Variants in HEATR6 observed in about 807,000 individuals in gnomAD.
HEATR6 encodes the protein HEAT repeat containing 6.
In HEATR6, 106 loss-of-function variants were observed where a neutral mutation model predicts 132.8. The observed-to-expected ratio is 0.80, with a 90% CI of 0.68 to 0.94. The LOEUF is 0.94. Ranked by LOEUF, HEATR6 falls within the 40% of genes least tolerant of loss-of-function variation. HEATR6 has a pLI of 0.00. For missense variants in HEATR6, 1,339 were observed against 1,425.1 expected (o/e 0.94, Z 0.97); for synonymous variants, 529 against 537.8 (o/e 0.98, Z 0.23).
intron 5 of HEATR6, 129 bp from the exon 6 acceptor site, chr17:60,070,936 CA>C (rs2083267184): frequency 1.7e-6 from 1 of 584,462 alleles, no homozygotes; most frequent in African/African-American, 1.9e-5. Flanking sequence ...TTATTATAGA[CA>C]CACATATACA....
In HEATR6 at chr17:60,057,325, A is replaced by G. The variant is rs1568621061; in HGVS notation, c.1802T>C (p.Leu601Pro). The part of the protein sequence containing the change: ...STHAPLPEVQ[L>P]LLQQPCSSGL... ...AGAAGAACATGGCTGTTGCAGAAGT[A>G]GTTGGACTTCAGGTAAAGGTGCGTG... Residue 601 changes from leucine (L) to proline (P), a missense_variant, in exon 12 of 20, where the codon CTA (leucine) becomes CCA (proline). Coordinates refer to ENST00000184956, the MANE Select transcript of HEATR6 (RefSeq NM_022070.5). 6.2e-7 allele frequency: 1 copy of G among 1,614,154 alleles called. No homozygotes were observed. Among genetic ancestry groups the G allele is most frequent in the Middle Eastern group, 1.6e-4 (1 of 6,062 alleles).
chr17:60,047,472 T>C lies in HEATR6; in HGVS notation c.2673-67A>G, dbSNP rs7223124. ...ACACTTAAATATATACATATAGAAA[T>C]ATATTCAATTAGTATAAGCCTAAAA... On this transcript the variant is annotated intron_variant, in intron 17 of 19. Transcript: ENST00000184956. The C allele has an allele frequency of 0.022, 18,115 of 831,540 alleles. 2,247 individuals are homozygous for C. The African/African-American group carries it at 0.28, about 13-fold the overall frequency. The allele number at this position is 831,540 out of a possible 1,614,324, so 51.5% of individuals were successfully genotyped here.
intron 7 of HEATR6, among the ~76,000 whole-genome samples, chr17:60,068,192 T>G (rs2083252748): frequency 6.6e-6 from 1 of 152,184 alleles, no homozygotes; most frequent in South Asian, 2.1e-4. Context: ...GTAAGATACA[T>G]AGCTAGTACC....
rs76308370 is a variant in HEATR6 at position 60,056,323 on chromosome 17, G to A, written c.2080-86C>T. The A allele has an allele frequency of 1.1e-4, 141 of 1,332,456 alleles. No individual in the cohort carries two copies. In the East Asian group the frequency reaches 2.6e-3, roughly 25 times the overall value. The allele number at this position is 1,332,456 out of a possible 1,614,324, so 82.5% of individuals were successfully genotyped here. The stretch of plus-strand genomic sequence containing the variant: ...AAAGTGTTACAATATTTCAGAAATC[G>A]CTTACATTTAACAGGGGCTGAAATC... On this transcript the variant is annotated intron_variant, in intron 12 of 19. Transcript: ENST00000184956.
chr17:60,068,529 A>T (rs1373973322), intron 7 of HEATR6, among the ~76,000 whole-genome samples: 3 of 148,572 alleles, frequency 2.0e-5, no homozygotes, highest in Non-Finnish European at 4.5e-5. Context: ...TTCTTTAATG[A>T]ATCTCTATTG....
intron 18 of HEATR6, 55 bp downstream of exon 18, chr17:60,047,254 G>C: frequency 8.6e-7 from 1 of 1,160,784 alleles, no homozygotes; most frequent in Admixed American, 1.8e-5. Context: ...CCACACTGCA[G>C]CTACAATACA....
rs375446378 is a variant in HEATR6, at chr17:60,057,427, T to C, written c.1724-24A>G. 8 of 1,459,910 alleles carry C rather than the reference T, an allele frequency of 5.5e-6. No individual in the cohort carries two copies. In the African/African-American group the frequency reaches 1.1e-4, roughly 20 times the overall value. The allele number at this position is 1,459,910 out of a possible 1,614,324, so 90.4% of individuals were successfully genotyped here. On this transcript the variant is annotated intron_variant, in intron 11 of 19. Transcript: ENST00000184956. ...ATCTGTCAAAGGAAGCAGTAAGAAC[T>C]TATCATCATGGCAACAACTACTGTA... is the stretch of plus-strand genomic sequence containing the variant.
At chr17:60,048,972 CATATATATATAATATATATATAT>C (rs1422012336) in intron 16 of HEATR6, among the ~76,000 whole-genome samples, 26 of 59,530 alleles carry the variant, frequency 4.4e-4, no homozygotes, top group South Asian at 2.0e-3. Context: ...AAATAAATAA[CATATATATATAATATATATATAT>C]ATATATATAT....
At position 60,078,770 on chromosome 17, in the gene HEATR6, G is replaced by A. The variant is rs1376708010; in HGVS notation, c.145C>T (p.Arg49Cys). The change falls in exon 1 of 20, where the codon CGC becomes TGC. Residue 49 changes from arginine to cysteine, a missense_variant. Arg to Cys is a radical substitution (Grantham distance 180, BLOSUM62 -3). Transcript: ENST00000184956. ...ALRPDDSSSA[R>C]TEIHLLFDQL... is the part of the protein sequence containing the mutation. ...TCGAAGAGCAGGTGGATCTCGGTGC[G>A]GGCGGAGCTGCTGTCATCCGGGCGC... 1.9e-6 allele frequency: 3 copies of A among 1,576,358 alleles called. No individual in the cohort carries two copies. The highest frequency in any genetic ancestry group is 1.2e-5 in the South Asian group (1 of 85,572).
At chr17:60,073,678 AAC>A in intron 3 of HEATR6, 66 bp downstream of exon 3, 4 of 1,474,360 alleles carry the variant, frequency 2.7e-6, no homozygotes. Context: ...TAGAAACCTG[AAC>A]ACAGTGTTGG....
At chr17:60,064,584 T>C (rs924722152) in intron 9 of HEATR6, 6 of 152,098 alleles carry the variant, frequency 3.9e-5, no homozygotes, top group African/African-American at 1.4e-4. Flanking sequence ...TTAAGTAGGA[T>C]GACTTTTTTT....
rs1049784506 is a variant in HEATR6 at position 60,042,138 on chromosome 17, A to G, written c.*1425T>C. On this transcript the variant is annotated 3_prime_UTR_variant, in exon 20 of 20. Coordinates refer to ENST00000184956, the MANE Select transcript of HEATR6 (RefSeq NM_022070.5). ...CAAATTAAAAGGTGGCAAAACAACCATATATTTAGTGTGTGGGATCACATT... is the reference window on the plus strand; with the variant it reads ...CAAATTAAAAGGTGGCAAAACAACCGTATATTTAGTGTGTGGGATCACATT... Among the ~76,000 whole-genome samples the G allele has an allele frequency of 5.3e-5, 8 of 152,264 alleles. No individual in the cohort carries two copies. Among genetic ancestry groups the G allele is most frequent in the Non-Finnish European group, 1.0e-4 (7 of 68,044 alleles).
chr17:60,061,498 G>A (rs902297492), intron 9 of HEATR6, among the ~76,000 whole-genome samples: 2 of 152,204 alleles, frequency 1.3e-5, no homozygotes, highest in African/African-American at 4.8e-5. Flanking sequence ...TCAGGGGCTG[G>A]CAAACTTTTC....
At chr17:60,074,876 A>G (rs546832690) in intron 2 of HEATR6, among the ~76,000 whole-genome samples, 295 of 152,322 alleles carry the variant, frequency 1.9e-3, no homozygotes, top group African/African-American at 6.8e-3. Context: ...CCAAAATATC[A>G]ATAGTGCTGA....
Position 60,057,087 on chromosome 17 carries a change from GCT to G in HEATR6, c.2038_2039del (p.Ser680HisfsTer68). ...SGSDAGSAAG[S>X]TYEPSPMRLE... ...GTCGCATGGGGGATGGTTCGTAGGT[GCT>G]TCCTGCTGCAGAGCCAGCATCGCTA... On this transcript the variant is annotated frameshift_variant, in exon 12 of 20. Coordinates refer to ENST00000184956, the MANE Select transcript of HEATR6 (RefSeq NM_022070.5). 1 of 1,612,988 alleles carries G rather than the reference GCT, an allele frequency of 6.2e-7. No individual in the cohort carries two copies. Among genetic ancestry groups the G allele is most frequent in the Non-Finnish European group, 8.5e-7 (1 of 1,179,296 alleles).
In HEATR6 at chr17:60,069,821, G is replaced by C; in HGVS notation, c.829C>G (p.Leu277Val). 1 of 1,613,954 alleles carries C rather than the reference G, an allele frequency of 6.2e-7. No homozygotes were observed. The highest frequency in any genetic ancestry group is 8.5e-7 in the Non-Finnish European group (1 of 1,179,990). Residue 277 changes from leucine to valine, a missense_variant, in exon 7 of 20, where the codon CTA becomes GTA. Coordinates refer to ENST00000184956, the MANE Select transcript of HEATR6 (RefSeq NM_022070.5). ...AACACCGTGGGCATCTCTATGTTTA[G>C]TCCAGGGAGTCCGTGAAACATGAAT... ...KKFMFHGLPG[L>V]NIEMPTVLYP...
chr17:60,069,193 G>T (rs1260708423), intron 7 of HEATR6, among the ~76,000 whole-genome samples: 2 of 152,242 alleles, frequency 1.3e-5, no homozygotes, highest in African/African-American at 4.8e-5. Flanking sequence ...GCGCTGACTG[G>T]TAGGTGGGCT....
intron 19 of HEATR6, among the ~76,000 whole-genome samples, chr17:60,045,243 C>G (rs1020582407): frequency 2.0e-5 from 3 of 152,190 alleles, no homozygotes; most frequent in African/African-American, 7.2e-5. Flanking sequence ...TTACATACTC[C>G]CAGCTGACTG....
chr17:60,077,803 C>T (rs1597960388), intron 1 of HEATR6, among the ~76,000 whole-genome samples: 1 of 152,248 alleles, frequency 6.6e-6, no homozygotes, highest in Middle Eastern at 3.4e-3. Flanking sequence ...GCGAACAGTC[C>T]AGGCATAAGT....
Sources: allele counts gnomAD v4.1 joint callset (sites outside exome capture counted in the v4.1 genomes callset), GRCh38; gene constraint gnomAD v4.1.1; transcripts MANE v1.5; gene names NCBI Gene and HGNC (gene_info 2026-07-23, HGNC 2026-07-21).